Variants in SLC23A2 observed in about 807,000 individuals in gnomAD.
The protein encoded by SLC23A2 is Na(+)/L-ascorbic acid transporter 2.
A neutral mutation model predicts 73.3 loss-of-function variants in SLC23A2; 36 were observed. That is an observed-to-expected ratio of 0.49 (90% CI 0.38 to 0.65). The LOEUF (loss-of-function observed/expected upper bound fraction) is 0.65, where lower values mean the gene tolerates loss of function less well. Ranked by LOEUF, SLC23A2 falls within the 30% of genes least tolerant of loss-of-function variation. The pLI, the probability that SLC23A2 is intolerant of heterozygous loss-of-function variation, is 0.00. For synonymous variants in SLC23A2, 343 were observed against 327.3 expected, an observed-to-expected ratio of 1.05 and a Z score of -0.52; for missense variants, 507 against 841.6, an observed-to-expected ratio of 0.60 and a Z score of 4.92.
chr20:5,007,128 G>A (rs763109719), intron 1 of SLC23A2, among the ~76,000 whole-genome samples: 8 of 152,052 alleles, frequency 5.3e-5, no homozygotes, highest in Non-Finnish European at 1.2e-4. Flanking sequence ...TACCACGTAG[G>A]CTTCTCCCCA....
intron 1 of SLC23A2, among the ~76,000 whole-genome samples, chr20:4,984,955 G>A (rs59510280): frequency 2.0e-5 from 3 of 152,064 alleles, no homozygotes; most frequent in Non-Finnish European, 4.4e-5. Flanking sequence ...TGGCCAACAC[G>A]GTGAAACCCT....
chr20:4,953,856 A>T (rs1776952), intron 2 of SLC23A2, among the ~76,000 whole-genome samples: 30,355 of 152,080 alleles, frequency 0.2, 6,009 homozygotes, highest in African/African-American at 0.51. Context: ...GCCACTGCAC[A>T]CCAGCCTCAG....
intron 16 of SLC23A2, among the ~76,000 whole-genome samples, 168 bp downstream of exon 16, chr20:4,859,121 T>C (rs762406730): frequency 3.9e-5 from 6 of 152,086 alleles, no homozygotes; most frequent in Non-Finnish European, 7.3e-5. Context: ...AACTGATTCA[T>C]ACATGGAGGC....
In SLC23A2 at chr20:4,878,203, T is replaced by C. The variant is rs142556588; in HGVS notation, c.825-3507A>G. On this transcript the variant is annotated intron_variant, in intron 9 of 16. Coordinates refer to ENST00000338244, the MANE Select transcript of SLC23A2 (RefSeq NM_005116.6). ...TATGAGTATTTTCCCAGCTTTTTTT[T>C]TGAGACAGAGTCTCATTCTGTCGCC... Among the ~76,000 whole-genome samples the C allele has an allele frequency of 4.7e-3, 716 of 152,348 alleles. 5 individuals carry two copies. Among genetic ancestry groups the C allele is most frequent in the Non-Finnish European group, 7.6e-3 (518 of 68,038 alleles).
intron 2 of SLC23A2, among the ~76,000 whole-genome samples, chr20:4,957,485 C>G (rs1431847156): frequency 6.8e-6 from 1 of 147,778 alleles, no homozygotes; most frequent in Non-Finnish European, 1.5e-5. Context: ...AAATAAGAAT[C>G]AATACTCTAG....
intron 1 of SLC23A2, among the ~76,000 whole-genome samples, chr20:5,006,650 C>T (rs1256306383): frequency 6.6e-6 from 1 of 151,806 alleles, no homozygotes; most frequent in African/African-American, 2.4e-5. Flanking sequence ...AAGCAATTCT[C>T]CTGCCTCAGC....
rs1273670102 is a variant in SLC23A2 at position 4,905,233 on chromosome 20, C to T, written c.208-2675G>A. Among the ~76,000 whole-genome samples the T allele has an allele frequency of 3.9e-5, 6 of 152,072 alleles. No individual in the cohort carries two copies. The East Asian group carries it at 1.2e-3, about 29-fold the overall frequency. ...GCTTTTCTTAGTAATGAGGGTAGCCCTACAACTCAGAAACAAAACTAGTGT... is the reference window on the plus strand; with the variant it reads ...GCTTTTCTTAGTAATGAGGGTAGCCTTACAACTCAGAAACAAAACTAGTGT... On this transcript the variant is annotated intron_variant, in intron 4 of 16. Coordinates refer to ENST00000338244, the MANE Select transcript of SLC23A2 (RefSeq NM_005116.6).
At chr20:4,946,206 G>C (rs1241581656) in intron 2 of SLC23A2, among the ~76,000 whole-genome samples, 2 of 152,132 alleles carry the variant, frequency 1.3e-5, no homozygotes, top group Non-Finnish European at 2.9e-5. Flanking sequence ...AGGTACCACT[G>C]CCAAGTTCCA....
At chr20:4,858,499 T>C (rs971418871) in intron 16 of SLC23A2, among the ~76,000 whole-genome samples, 9 of 152,222 alleles carry the variant, frequency 5.9e-5, no homozygotes, top group Admixed American at 4.6e-4. Flanking sequence ...TCCTTCTGCC[T>C]TGGTTTCCCC....
chr20:4,874,288 C>A (rs191425198), intron 10 of SLC23A2, among the ~76,000 whole-genome samples, 196 bp from the exon 11 acceptor site: 2 of 152,312 alleles, frequency 1.3e-5, no homozygotes, highest in East Asian at 3.9e-4. Context: ...CAAAGTCTGG[C>A]TGGTAAAACA....
At chr20:4,867,734 A>C in intron 13 of SLC23A2, 36 bp downstream of exon 13, 1 of 1,236,474 alleles carries the variant, frequency 8.1e-7, no homozygotes, top group Non-Finnish European at 1.2e-6. Context: ...ACCAATGCTT[A>C]GAAACCCAAT....
At chr20:4,951,458 A>G (rs959299563) in intron 2 of SLC23A2, among the ~76,000 whole-genome samples, 2 of 152,212 alleles carry the variant, frequency 1.3e-5, no homozygotes, top group South Asian at 2.1e-4. Flanking sequence ...TGGGCAGGAA[A>G]AAGCAAAGAA....
At chr20:4,963,503 TTG>T (rs1422037597) in intron 2 of SLC23A2, among the ~76,000 whole-genome samples, 1 of 151,778 alleles carries the variant, frequency 6.6e-6, no homozygotes, top group Admixed American at 6.6e-5. Flanking sequence ...ATTCTCTGTG[TTG>T]CCAATAGGAA....
chr20:4,935,602 T>C (rs898055289), intron 2 of SLC23A2, among the ~76,000 whole-genome samples: 15 of 151,998 alleles, frequency 9.9e-5, no homozygotes, highest in African/African-American at 2.9e-4. Flanking sequence ...ATCGAGACCA[T>C]CCTGGCTAAC....
chr20:4,908,316 C>T (rs370316888), intron 4 of SLC23A2, among the ~76,000 whole-genome samples: 6 of 152,082 alleles, frequency 3.9e-5, no homozygotes, highest in African/African-American at 1.4e-4. Flanking sequence ...ACTACAGTGA[C>T]GAACCTAAGC....
At chr20:4,905,079 A>T (rs985371015) in intron 4 of SLC23A2, among the ~76,000 whole-genome samples, 7 of 138,848 alleles carry the variant, frequency 5.0e-5, no homozygotes, top group Non-Finnish European at 9.0e-5. Context: ...ACACCACTGC[A>T]CTCTGGCCTG....
chr20:4,870,506 G>A (rs944241684), intron 11 of SLC23A2, among the ~76,000 whole-genome samples: 2 of 152,096 alleles, frequency 1.3e-5, no homozygotes, highest in Admixed American at 6.5e-5. Context: ...GAACCTAGGA[G>A]GCGGAGGTTG....
intron 4 of SLC23A2, among the ~76,000 whole-genome samples, chr20:4,911,822 T>C (rs1489678958): frequency 6.7e-6 from 1 of 149,084 alleles, no homozygotes; most frequent in Non-Finnish European, 1.5e-5. Flanking sequence ...ACCTACTTTA[T>C]TTTATTTTTA....
chr20:4,906,137 A>C (rs1931944798), intron 4 of SLC23A2, among the ~76,000 whole-genome samples: 1 of 152,190 alleles, frequency 6.6e-6, no homozygotes, highest in Non-Finnish European at 1.5e-5. Flanking sequence ...CAGGAGTTCG[A>C]GACCAGTCTG....
Sources: allele counts gnomAD v4.1 joint callset (sites outside exome capture counted in the v4.1 genomes callset), GRCh38; gene constraint gnomAD v4.1.1; transcripts MANE v1.5; gene names NCBI Gene and HGNC (gene_info 2026-07-23, HGNC 2026-07-21).